The following CAST variants were observed in gnomAD, a reference collection of about 807,000 sequenced individuals.
CAST encodes the protein calpastatin.
In CAST, 76 loss-of-function variants were observed where a neutral mutation model predicts 119.6. The ratio of observed to expected loss-of-function variants is 0.64; its 90% CI spans 0.53 to 0.77. CAST has a LOEUF of 0.77. Among genes scored for constraint, CAST ranks in the 30% least tolerant of loss-of-function variants. The pLI is 0.00. For synonymous variants in CAST, 319 were observed against 331.6 expected (o/e 0.96, Z 0.41); for missense variants, 953 against 946.5 (o/e 1.01, Z -0.09).
the CAST span, among the ~76,000 whole-genome samples, chr5:96,304,811 A>C: frequency 3.9e-5 from 6 of 151,940 alleles, no homozygotes; most frequent in Non-Finnish European, 5.9e-5. Context: ...TGGTCTATAT[A>C]TCTGTTTTGG....
At chr5:96,695,297 A>G (rs995810323) in intron 2 of CAST, among the ~76,000 whole-genome samples, 1 of 152,240 alleles carries the variant, frequency 6.6e-6, no homozygotes, top group African/African-American at 2.4e-5. Context: ...ATTACTATCT[A>G]TAATTCTATT....
chr5:96,694,173 A>G (rs1338012002), intron 2 of CAST, among the ~76,000 whole-genome samples: 1 of 152,240 alleles, frequency 6.6e-6, no homozygotes, highest in African/African-American at 2.4e-5. Context: ...AAAGAATGAA[A>G]CCAAATTATT....
chr5:96,108,617 C>T, the CAST span, among the ~76,000 whole-genome samples: 1 of 152,066 alleles, frequency 6.6e-6, no homozygotes, highest in Non-Finnish European at 1.5e-5. Flanking sequence ...AGAACCACTG[C>T]TCTCTTCAAA....
chr5:96,308,160 C>A, the CAST span, among the ~76,000 whole-genome samples: 2 of 151,918 alleles, frequency 1.3e-5, no homozygotes, highest in African/African-American at 2.4e-5. Flanking sequence ...TCTTTTCACT[C>A]TTTTTTCTCT....
chr5:96,375,944 AAT>A, the CAST span, among the ~76,000 whole-genome samples: 4 of 147,070 alleles, frequency 2.7e-5, no homozygotes, highest in Admixed American at 6.8e-5. Flanking sequence ...TATAAATATA[AAT>A]ATATATATAT....
chr5:96,591,372 A>T (rs1195117322), intron 1 of CAST, among the ~76,000 whole-genome samples: 1 of 152,194 alleles, frequency 6.6e-6, no homozygotes, highest in Non-Finnish European at 1.5e-5. Context: ...CAGAATTTCA[A>T]CATCTTTCTG....
At chr5:96,720,481 G>A (rs1758034060) in intron 3 of CAST, among the ~76,000 whole-genome samples, 1 of 152,184 alleles carries the variant, frequency 6.6e-6, no homozygotes, top group Non-Finnish European at 1.5e-5. Flanking sequence ...TTAATAATGG[G>A]GTGGGCATAT....
intron 3 of CAST, among the ~76,000 whole-genome samples, chr5:96,709,239 TTA>T (rs1755621572): frequency 6.6e-6 from 1 of 152,234 alleles, no homozygotes; most frequent in Non-Finnish European, 1.5e-5. Flanking sequence ...TTGTCAAGGC[TTA>T]TGTTTGTGGA....
the CAST span, among the ~76,000 whole-genome samples, chr5:96,376,207 G>A: frequency 6.6e-6 from 1 of 151,434 alleles, no homozygotes; most frequent in East Asian, 1.9e-4. Context: ...AATTAAAATG[G>A]AGTGGAAAAA....
chr5:96,359,289 A>G, the CAST span, among the ~76,000 whole-genome samples: 4 of 152,056 alleles, frequency 2.6e-5, no homozygotes, highest in South Asian at 4.1e-4. Context: ...TCTTTTTCCA[A>G]TTTGCCAGTC....
the CAST span, among the ~76,000 whole-genome samples, chr5:96,388,611 T>G: frequency 2.0e-5 from 3 of 152,032 alleles, no homozygotes; most frequent in African/African-American, 7.3e-5. Flanking sequence ...GGGAACAGAG[T>G]GGATAATTCA....
chr5:96,684,731 T>C (rs1006816247), intron 2 of CAST, among the ~76,000 whole-genome samples: 1 of 152,026 alleles, frequency 6.6e-6, no homozygotes, highest in African/African-American at 2.4e-5. Context: ...CCCAAATAAC[T>C]TTTTTAAAAA....
At chr5:96,265,749 GTGTAGTACACAC>G in the CAST span, among the ~76,000 whole-genome samples, 1 of 152,048 alleles carries the variant, frequency 6.6e-6, no homozygotes, top group Non-Finnish European at 1.5e-5. Context: ...AACCATTCCA[GTGTAGTACACAC>G]TGTGGTTTCA....
the CAST span, among the ~76,000 whole-genome samples, chr5:96,367,234 A>C: frequency 6.6e-6 from 1 of 152,044 alleles, no homozygotes; most frequent in African/African-American, 2.4e-5. Context: ...GTCTGCCCCT[A>C]CTGGGGGATG....
intron 1 of CAST, among the ~76,000 whole-genome samples, chr5:96,583,612 G>A (rs571551541): frequency 6.6e-6 from 1 of 152,162 alleles, no homozygotes; most frequent in Non-Finnish European, 1.5e-5. Flanking sequence ...GTTTAACATG[G>A]TGTCTAGCAC....
the CAST span, among the ~76,000 whole-genome samples, chr5:96,035,932 A>G: frequency 4.6e-5 from 7 of 152,060 alleles, no homozygotes; most frequent in Non-Finnish European, 2.9e-5. Context: ...ATGATGAACT[A>G]GGCAAAACAG....
intron 1 of CAST, among the ~76,000 whole-genome samples, chr5:96,552,200 G>T (rs1746144660): frequency 6.6e-6 from 1 of 152,174 alleles, no homozygotes; most frequent in Non-Finnish European, 1.5e-5. Flanking sequence ...TAAAAGAACA[G>T]AAATCACAAC....
At chr5:96,151,733 C>A in the CAST span, among the ~76,000 whole-genome samples, 1 of 152,156 alleles carries the variant, frequency 6.6e-6, no homozygotes, top group Non-Finnish European at 1.5e-5. Context: ...TGGTTTTAAC[C>A]AAGAATATTT....
At position 96,757,459 on chromosome 5, in the gene CAST, C is replaced by G; in HGVS notation, c.1726C>G (p.Pro576Ala). The change falls in exon 23 of 32, where the codon CCA becomes GCA. Residue 576 changes from proline to alanine, a missense_variant. Physicochemically the swap from Pro to Ala is conservative, Grantham distance 27 (BLOSUM62 -1). Transcript: ENST00000675179. Reference protein sequence around the residue: ...LEEVKDKDGKPLLPKESKEQL... With the variant: ...LEEVKDKDGKALLPKESKEQL... The stretch of plus-strand genomic sequence containing the variant: ...CCCCGGATAGGATAAAGATGGAAAG[C>G]CACTCCTGCCAAAAGAGTCTAAGGA... The G allele has an allele frequency of 6.2e-7, 1 of 1,613,978 alleles. No individual in the cohort carries two copies. Among genetic ancestry groups the G allele is most frequent in the Non-Finnish European group, 8.5e-7 (1 of 1,179,874 alleles).
Sources: allele counts gnomAD v4.1 joint callset (sites outside exome capture counted in the v4.1 genomes callset), GRCh38; gene constraint gnomAD v4.1.1; transcripts MANE v1.5; gene names NCBI Gene and HGNC (gene_info 2026-07-23, HGNC 2026-07-21).